The following LRRC31 variants were observed in gnomAD, a reference collection of about 807,000 sequenced individuals.
The protein encoded by LRRC31 is leucine-rich repeat-containing protein 31.
A neutral mutation model predicts 46.7 loss-of-function variants in LRRC31; 35 were observed. The ratio of observed to expected loss-of-function variants is 0.75; its 90% CI spans 0.57 to 0.99. The LOEUF is 0.99. Ranked by LOEUF, LRRC31 falls within the 50% of genes least tolerant of loss-of-function variation. The pLI is 0.00. For missense variants in LRRC31, 613 were observed against 626.1 expected (o/e 0.98, Z 0.22); for synonymous variants, 236 against 235.1 (o/e 1.00, Z -0.03).
Position 169,856,500 on chromosome 3 carries a change from T to G in LRRC31, c.659A>C (p.Gln220Pro), listed in dbSNP as rs925096677. 1 of 1,593,650 alleles carries G rather than the reference T, an allele frequency of 6.3e-7. No homozygotes were observed. The highest frequency in any genetic ancestry group is 1.4e-5 in the African/African-American group (1 of 73,928). ...GAGACTTTGCAGCATAGGTAGCAGT[T>G]GACCTAGAAGGAAAGAAATCCAAAT... ...LTSEDGTFLG[Q>P]LLPMLQSLEV... The change falls in exon 5 of 9, where the codon CAA (glutamine) becomes CCA (proline). Residue 220 changes from glutamine (Q) to proline (P), a missense_variant. Coordinates refer to ENST00000316428, the MANE Select transcript of LRRC31 (RefSeq NM_024727.4).
intron 7 of LRRC31, 48 bp downstream of exon 7, chr3:169,851,571 C>G: frequency 6.4e-7 from 1 of 1,553,146 alleles, no homozygotes; most frequent in South Asian, 1.2e-5. Flanking sequence ...AGAAGTCTCC[C>G]TCGCACATTA....
At chr3:169,865,795 A>G (rs1209514910) in intron 1 of LRRC31, among the ~76,000 whole-genome samples, 1 of 152,002 alleles carries the variant, frequency 6.6e-6, no homozygotes, top group Non-Finnish European at 1.5e-5. Context: ...CCTGGATTGC[A>G]CCTTAAAGGA....
In LRRC31 at chr3:169,857,973, A is replaced by C. The variant is rs570500490; in HGVS notation, c.488-1101T>G. 2.6e-5 allele frequency among the ~76,000 whole-genome samples: 4 copies of C among 152,252 alleles called. No homozygotes were observed. In the South Asian group the frequency reaches 8.3e-4, roughly 32 times the overall value. On this transcript the variant is annotated intron_variant, in intron 3 of 8. Transcript: ENST00000316428. ...TAGCCCTGAGGTGTTCCCCAGGCTC[A>C]GGGAGAAAGAGCTCATGATTGATTA...
chr3:169,854,814 C>T lies in LRRC31; in HGVS notation c.990G>A (p.Leu330=), dbSNP rs1398066061. The T allele has an allele frequency of 6.2e-7, 1 of 1,609,060 alleles. No individual in the cohort carries two copies. The highest frequency in any genetic ancestry group is 1.1e-5 in the South Asian group (1 of 90,776). The part of the protein sequence containing the change: ...CSLTADDVMS[L]TQVIPLLSNL... ...CTTTGCTCTGCAATATATACTTACT[C>T]AGTGACATCACGTCATCTGCTGTTA... Residue 330 remains leucine (L), a splice_region_variant and synonymous_variant, in exon 6 of 9, where the codon CTG becomes CTA. Transcript: ENST00000316428.
chr3:169,861,924 T>G lies in LRRC31; in HGVS notation c.176-111A>C, dbSNP rs1781180401. Reference sequence around the variant, plus strand: ...ACTGCATAACTCTGAATTGCTCTTTTATAAAAACCTCAACTCAGAGGCAGA... The same window carrying G: ...ACTGCATAACTCTGAATTGCTCTTTGATAAAAACCTCAACTCAGAGGCAGA... On this transcript the variant is annotated intron_variant, in intron 1 of 8. Coordinates refer to ENST00000316428, the MANE Select transcript of LRRC31 (RefSeq NM_024727.4). 1.1e-5 allele frequency: 13 copies of G among 1,168,368 alleles called. No homozygotes were observed. In the Admixed American group the frequency reaches 3.0e-4, roughly 27 times the overall value. 72.4% of individuals were successfully genotyped at this position (1,168,368 alleles called of 1,614,324 possible). A position where few individuals can be genotyped will look rare whatever the true frequency, so the allele number is the denominator to read the frequency against.
chr3:169,857,345 T>TATATACACAC (rs1491209579), intron 3 of LRRC31, among the ~76,000 whole-genome samples: 2 of 89,428 alleles, frequency 2.2e-5, no homozygotes, highest in Admixed American at 1.4e-4. Context: ...TATATATATA[T>TATATACACAC]ACACACACAC....
At chr3:169,865,033 C>G (rs956449503) in intron 1 of LRRC31, among the ~76,000 whole-genome samples, 8 of 151,786 alleles carry the variant, frequency 5.3e-5, no homozygotes, top group Non-Finnish European at 8.8e-5. Context: ...CCGAGATTGT[C>G]CCACTGCACT....
intron 3 of LRRC31, among the ~76,000 whole-genome samples, chr3:169,858,048 G>A (rs765743141): frequency 1.3e-5 from 2 of 152,024 alleles, no homozygotes; most frequent in South Asian, 2.1e-4. Context: ...TTTGCCACTC[G>A]GTACTAAACT....
chr3:169,857,725 C>T (rs1781012644), intron 3 of LRRC31, among the ~76,000 whole-genome samples: 1 of 152,030 alleles, frequency 6.6e-6, no homozygotes, highest in Non-Finnish European at 1.5e-5. Context: ...AATGTGCAAA[C>T]AATTAAGCAT....
In LRRC31 at chr3:169,856,514, A is replaced by G; in HGVS notation, c.656-11T>C. 3 of 1,586,302 alleles carry G rather than the reference A, an allele frequency of 1.9e-6. No individual in the cohort carries two copies. The highest frequency in any genetic ancestry group is 1.7e-6 in the Non-Finnish European group (2 of 1,167,964). ...TAGGTAGCAGTTGACCTAGAAGGAA[A>G]GAAATCCAAATAAGAAGGGTAGGTA... is the stretch of plus-strand genomic sequence containing the variant. On this transcript the variant is annotated splice_polypyrimidine_tract_variant and intron_variant, in intron 4 of 8. Coordinates refer to ENST00000316428, the MANE Select transcript of LRRC31 (RefSeq NM_024727.4).
Position 169,862,508 on chromosome 3 carries a change from ATCC to A in LRRC31, c.176-698_176-696del, listed in dbSNP as rs377002078. 3.0e-4 allele frequency among the ~76,000 whole-genome samples: 45 copies of A among 152,294 alleles called. No homozygotes were observed. In the East Asian group the frequency reaches 8.7e-3, roughly 29 times the overall value. On this transcript the variant is annotated intron_variant, in intron 1 of 8. Coordinates refer to ENST00000316428, the MANE Select transcript of LRRC31 (RefSeq NM_024727.4). ...CTGGGCACGGTGCCTCACACCTGTA[ATCC>A]TAGTACTTTGGAAGGCTGAGGCGGG... is the stretch of plus-strand genomic sequence containing the variant.
intron 7 of LRRC31, among the ~76,000 whole-genome samples, chr3:169,850,347 C>G (rs1163804301): frequency 6.6e-6 from 1 of 152,134 alleles, no homozygotes; most frequent in African/African-American, 2.4e-5. Flanking sequence ...TGGTCCTCAC[C>G]ATGTCCTGCT....
In LRRC31 at chr3:169,840,088, A is replaced by G; in HGVS notation, c.1553T>C (p.Ile518Thr). 6.2e-7 allele frequency: 1 copy of G among 1,614,028 alleles called. No homozygotes were observed. Among genetic ancestry groups the G allele is most frequent in the Non-Finnish European group, 8.5e-7 (1 of 1,179,982 alleles). ...TGGGAGAATCCATCTTTTCATTCCT[A>G]TCTCAGTGATCTGAGGAAGCTTGGT... is the stretch of plus-strand genomic sequence containing the variant. ...AVTKLPQITEIGMKRWILPAS... is the reference protein window; with the variant it reads ...AVTKLPQITETGMKRWILPAS... Residue 518 changes from isoleucine to threonine, a missense_variant, in exon 9 of 9, where the codon ATA becomes ACA. Physicochemically the swap from Ile to Thr is moderately conservative, Grantham distance 89. Transcript: ENST00000316428.
intron 3 of LRRC31, among the ~76,000 whole-genome samples, chr3:169,858,305 A>G (rs1214741045): frequency 6.6e-6 from 1 of 152,196 alleles, no homozygotes; most frequent in African/African-American, 2.4e-5. Context: ...CAACCAGGTA[A>G]GTTTGGAACA....
intron 1 of LRRC31, among the ~76,000 whole-genome samples, chr3:169,865,408 G>C (rs1464746449): frequency 5.9e-5 from 9 of 152,072 alleles, no homozygotes; most frequent in Admixed American, 5.9e-4. Flanking sequence ...CACAGGAGCC[G>C]CTCTGTGGAG....
At chr3:169,853,643 G>C (rs1220712532) in intron 6 of LRRC31, 1 of 985,580 alleles carries the variant, frequency 1.0e-6, no homozygotes, top group Non-Finnish European at 1.2e-6. Flanking sequence ...AATGCTCCAC[G>C]CAAAGCTCAA....
chr3:169,859,550 A>G (rs1446114316), intron 3 of LRRC31, among the ~76,000 whole-genome samples: 5 of 152,342 alleles, frequency 3.3e-5, no homozygotes, highest in South Asian at 2.1e-4. Context: ...AAGAAGAATA[A>G]AAAGTATCAA....
At chr3:169,858,584 C>A (rs1781042829) in intron 3 of LRRC31, among the ~76,000 whole-genome samples, 1 of 152,184 alleles carries the variant, frequency 6.6e-6, no homozygotes, top group Non-Finnish European at 1.5e-5. Flanking sequence ...ATGCAGTAGG[C>A]ACTTTACAGA....
At chr3:169,856,677 T>C in intron 4 of LRRC31, 28 bp downstream of exon 4, 1 of 1,524,234 alleles carries the variant, frequency 6.6e-7, no homozygotes, top group Non-Finnish European at 8.8e-7. Flanking sequence ...ATCTTCACTT[T>C]TTTTTTTTCT....
Sources: gnomAD v4.1 joint callset for allele counts (sites outside exome capture counted in the v4.1 genomes callset) on GRCh38, gnomAD v4.1.1 for gene constraint, MANE v1.5 for transcripts, NCBI Gene and HGNC (gene_info 2026-07-23, HGNC 2026-07-21) for gene names.